The following NXPH1 variants were observed in gnomAD, a reference collection of about 807,000 sequenced individuals.
The protein encoded by NXPH1 is neurexophilin-1.
A neutral mutation model predicts 23.7 loss-of-function variants in NXPH1; 5 were observed. That is an observed-to-expected ratio of 0.21 (90% CI 0.11 to 0.44). The LOEUF (loss-of-function observed/expected upper bound fraction) is 0.44. Among genes scored for constraint, NXPH1 ranks in the 20% least tolerant of loss-of-function variants. The pLI is 0.99. For missense variants in NXPH1, 324 were observed against 321.6 expected (o/e 1.01, Z -0.06); for synonymous variants, 144 against 122.2 (o/e 1.18, Z -1.18).
At chr7:8,583,792 C>T (rs968822144) in intron 2 of NXPH1, among the ~76,000 whole-genome samples, 6 of 152,154 alleles carry the variant, frequency 3.9e-5, no homozygotes, top group Middle Eastern at 3.2e-3. Context: ...CTCCCATTCC[C>T]TCTTTATCTT....
Position 8,751,319 on chromosome 7 carries a change from C to T in NXPH1, c.366C>T (p.Gly122=), listed in dbSNP as rs373044439. Residue 122 remains glycine (G), a synonymous_variant, in exon 3 of 3, where the codon GGC becomes GGT. Transcript: ENST00000405863. This position sits in a 1 kb window ranked among gnomAD's most constrained non-coding sequence, Gnocchi z 4.5. ...TGKFKKMFGW[G]DFHSNIKTVK... ...AGTTTAAGAAAATGTTTGGATGGGGCGATTTTCATTCCAACATCAAAACAG... is the reference window on the plus strand; with the variant it reads ...AGTTTAAGAAAATGTTTGGATGGGGTGATTTTCATTCCAACATCAAAACAG... The T allele has an allele frequency of 4.6e-5, 74 of 1,613,706 alleles. No homozygotes were observed. The highest frequency in any genetic ancestry group is 1.6e-4 in the Middle Eastern group (1 of 6,084).
At chr7:8,497,454 T>G (rs1048699991) in intron 2 of NXPH1, among the ~76,000 whole-genome samples, 4 of 152,280 alleles carry the variant, frequency 2.6e-5, no homozygotes, top group Admixed American at 2.0e-4. Flanking sequence ...TCCACAATGG[T>G]TGAACTAGTT....
chr7:8,441,058 G>T (rs994781972), intron 2 of NXPH1, among the ~76,000 whole-genome samples: 4 of 152,170 alleles, frequency 2.6e-5, no homozygotes, highest in African/African-American at 9.7e-5. Flanking sequence ...AATAAAAAGT[G>T]TCTAGCTTTG....
chr7:8,728,792 A>G (rs1226586148), intron 2 of NXPH1, among the ~76,000 whole-genome samples: 10 of 152,214 alleles, frequency 6.6e-5, no homozygotes, highest in Non-Finnish European at 5.9e-5. Context: ...ATATTGGTCT[A>G]CAATTCTCTT....
intron 2 of NXPH1, among the ~76,000 whole-genome samples, chr7:8,551,546 A>C (rs1274193042): frequency 6.6e-6 from 1 of 151,574 alleles, no homozygotes; most frequent in African/African-American, 2.4e-5. Flanking sequence ...GGAACAAGGT[A>C]AAATACTGTG....
chr7:8,719,323 G>A (rs185460975), intron 2 of NXPH1, among the ~76,000 whole-genome samples: 1 of 152,292 alleles, frequency 6.6e-6, no homozygotes, highest in East Asian at 1.9e-4. Flanking sequence ...AAGAGCTGAT[G>A]ATGGCTCCAG....
At chr7:8,626,146 T>C (rs1302101935) in intron 2 of NXPH1, among the ~76,000 whole-genome samples, 1 of 151,976 alleles carries the variant, frequency 6.6e-6, no homozygotes, top group African/African-American at 2.4e-5. Flanking sequence ...TGGACTTCAC[T>C]GGCAAACAAA....
chr7:8,483,800 A>C (rs1461189413), intron 2 of NXPH1, among the ~76,000 whole-genome samples: 1 of 152,118 alleles, frequency 6.6e-6, no homozygotes, highest in Non-Finnish European at 1.5e-5. Flanking sequence ...GATGTTCTCC[A>C]AGGTCCATAG....
intron 2 of NXPH1, among the ~76,000 whole-genome samples, chr7:8,436,620 T>A (rs1439751978): frequency 6.6e-6 from 1 of 152,008 alleles, no homozygotes; most frequent in Non-Finnish European, 1.5e-5. Flanking sequence ...AGGTCTGGCT[T>A]CTGGGGTGGG....
intron 2 of NXPH1, among the ~76,000 whole-genome samples, chr7:8,633,453 TAG>T (rs1293087921): frequency 1.3e-5 from 2 of 152,230 alleles, no homozygotes; most frequent in Non-Finnish European, 2.9e-5. Context: ...GATCTCACAA[TAG>T]AGTTTCCTTC....
chr7:8,650,318 GATATTCATCTACAT>G (rs1820471453), intron 2 of NXPH1, among the ~76,000 whole-genome samples: 1 of 152,088 alleles, frequency 6.6e-6, no homozygotes, highest in African/African-American at 2.4e-5. Context: ...ATTACTATGT[GATATTCATCTACAT>G]AGAAGAAACA....
intron 2 of NXPH1, among the ~76,000 whole-genome samples, chr7:8,455,602 C>T (rs1180964776): frequency 1.3e-5 from 2 of 151,486 alleles, no homozygotes; most frequent in Admixed American, 6.6e-5. Flanking sequence ...CATTACTGTC[C>T]AGAGAGAATG....
chr7:8,719,796 G>A (rs951625909), intron 2 of NXPH1, among the ~76,000 whole-genome samples: 44 of 151,910 alleles, frequency 2.9e-4, no homozygotes, highest in African/African-American at 1.0e-3. Context: ...CAAAACTAAC[G>A]ACATAGATCA....
At chr7:8,741,805 C>T (rs769834921) in intron 2 of NXPH1, among the ~76,000 whole-genome samples, 13 of 152,070 alleles carry the variant, frequency 8.5e-5, no homozygotes, top group Non-Finnish European at 1.3e-4. Context: ...AAATAACATT[C>T]ACTATTAAAA....
intron 2 of NXPH1, among the ~76,000 whole-genome samples, chr7:8,468,767 G>A (rs1179536780): frequency 1.3e-5 from 2 of 151,986 alleles, no homozygotes; most frequent in South Asian, 4.1e-4. Context: ...TGGTTAAGTT[G>A]TTATGATAGT....
intron 2 of NXPH1, among the ~76,000 whole-genome samples, chr7:8,632,666 C>T (rs62447912): frequency 0.28 from 41,864 of 152,090 alleles, 6,234 homozygotes; most frequent in African/African-American, 0.35. Flanking sequence ...AGCTGTGTGG[C>T]TAGCTTTCTC....
intron 2 of NXPH1, among the ~76,000 whole-genome samples, chr7:8,519,134 T>C (rs1394855486): frequency 6.6e-6 from 1 of 152,190 alleles, no homozygotes; most frequent in Non-Finnish European, 1.5e-5. Flanking sequence ...ATTAGTATTA[T>C]CTCATTTATT....
intron 2 of NXPH1, among the ~76,000 whole-genome samples, chr7:8,671,946 G>A (rs572453746): frequency 3.9e-5 from 6 of 152,176 alleles, no homozygotes; most frequent in African/African-American, 1.4e-4. Context: ...TGATGGGGTT[G>A]TTTGTTTTTT....
intron 2 of NXPH1, among the ~76,000 whole-genome samples, chr7:8,521,283 A>G (rs1817766865): frequency 6.6e-6 from 1 of 152,186 alleles, no homozygotes; most frequent in Non-Finnish European, 1.5e-5. Flanking sequence ...TTTGGGAAAT[A>G]TGATGTACAC....
Sources: gnomAD v4.1 joint callset for allele counts (sites outside exome capture counted in the v4.1 genomes callset) on GRCh38, gnomAD v4.1.1 for gene constraint, Gnocchi (gnomAD v3.1) non-coding constraint, MANE v1.5 for transcripts, NCBI Gene and HGNC (gene_info 2026-07-23, HGNC 2026-07-21) for gene names.